Variants in GNL1 observed in about 807,000 individuals in gnomAD.
GNL1 encodes guanine nucleotide-binding protein-like 1.
In GNL1, 21 loss-of-function variants were observed where a neutral mutation model predicts 75.2. That is an observed-to-expected ratio of 0.28 (90% CI 0.20 to 0.40). The LOEUF is 0.40. Among genes scored for constraint, GNL1 ranks in the 10% least tolerant of loss-of-function variants. GNL1 has a pLI of 1.00. For missense variants in GNL1, 579 were observed against 775.0 expected, an observed-to-expected ratio of 0.75 and a Z score of 3.00; for synonymous variants, 287 against 303.4, an observed-to-expected ratio of 0.95 and a Z score of 0.56.
rs755438090 is a variant in GNL1 at position 30,541,746 on chromosome 6, T to C, written c.*4326A>G. Reference sequence around the variant, plus strand: ...ATTAGAATTTATAATTTTTACTGCATATTGCAGTTACTCGTATATTACTGA... The same window carrying C: ...ATTAGAATTTATAATTTTTACTGCACATTGCAGTTACTCGTATATTACTGA... On this transcript the variant is annotated 3_prime_UTR_variant, in exon 12 of 12. Transcript: ENST00000376621. 2.0e-5 allele frequency: 3 copies of C among 152,252 alleles called. No individual in the cohort carries two copies. The highest frequency in any genetic ancestry group is 4.4e-5 in the Non-Finnish European group (3 of 68,040). 9.4% of individuals were successfully genotyped at this position (152,252 alleles called of 1,614,324 possible). A position where few individuals can be genotyped will look rare whatever the true frequency, so the allele number is the denominator to read the frequency against.
At position 30,555,917 on chromosome 6, in the gene GNL1, T is replaced by C; in HGVS notation, c.74-197A>G. The C allele has an allele frequency of 1.3e-6, 1 of 791,870 alleles. No homozygotes were observed. Among genetic ancestry groups the C allele is most frequent in the Non-Finnish European group, 2.0e-6 (1 of 497,334 alleles). The allele number at this position is 791,870 out of a possible 1,614,324, so 49.1% of individuals were successfully genotyped here. ...AGGGAGCAGTGGGGACGGCGCCCCG[T>C]GCTAGCTGGAGGGATTCCCCTCCCC... On this transcript the variant is annotated intron_variant, in intron 1 of 11. Coordinates refer to ENST00000376621, the MANE Select transcript of GNL1 (RefSeq NM_005275.5). The surrounding 1 kb of genome is among the most constrained non-coding windows in gnomAD (Gnocchi z 4.3).
chr6:30,547,416 G>T lies in GNL1; in HGVS notation c.1214C>A (p.Pro405His), dbSNP rs147634437. 24 of 1,613,904 alleles carry T rather than the reference G, an allele frequency of 1.5e-5. No homozygotes were observed. The highest frequency in any genetic ancestry group is 2.7e-5 in the African/African-American group (2 of 74,914). ...TRYFQTYFLT[P>H]SVKLCDCPGL... ...TGGGCAGTCACAGAGCTTCACAGAG[G>T]GGGTAAGAAAGTAGGTCTGAAAGTA... is the stretch of plus-strand genomic sequence containing the variant. The change falls in exon 9 of 12, where the codon CCC (proline) becomes CAC (histidine). Residue 405 changes from proline (P) to histidine (H), a missense_variant. Coordinates refer to ENST00000376621, the MANE Select transcript of GNL1 (RefSeq NM_005275.5). This position sits in a 1 kb window ranked among gnomAD's most constrained non-coding sequence, Gnocchi z 5.5.
rs2127383469 is a variant in GNL1 at position 30,556,296 on chromosome 6, A to G, written c.-93T>C. The G allele has an allele frequency of 6.9e-7, 1 of 1,443,278 alleles. No individual in the cohort carries two copies. The highest frequency in any genetic ancestry group is 9.6e-7 in the Non-Finnish European group (1 of 1,045,836). 89.4% of individuals were successfully genotyped at this position (1,443,278 alleles called of 1,614,324 possible). A position where few individuals can be genotyped will look rare whatever the true frequency, so the allele number is the denominator to read the frequency against. ...GCAGCCCCCGCCGCAGGGGCCCGGG[A>G]CCCTAGAGGAGGCGGGGCTAGCAGG... is the stretch of plus-strand genomic sequence containing the variant. On this transcript the variant is annotated 5_prime_UTR_variant, in exon 1 of 12. Transcript: ENST00000376621. The surrounding 1 kb of genome is among the most constrained non-coding windows in gnomAD (Gnocchi z 5.7).
chr6:30,551,750 G>A (rs1272410577), intron 8 of GNL1, among the ~76,000 whole-genome samples: 1 of 152,132 alleles, frequency 6.6e-6, no homozygotes, highest in African/African-American at 2.4e-5. Flanking sequence ...AACAGTGCCT[G>A]TTACATAGTA....
chr6:30,549,973 A>G (rs1472637472), intron 8 of GNL1, among the ~76,000 whole-genome samples: 1 of 151,802 alleles, frequency 6.6e-6, no homozygotes, highest in Non-Finnish European at 1.5e-5. Context: ...ACAGGCACGC[A>G]CCACCACACA....
At position 30,556,295 on chromosome 6, in the gene GNL1, G is replaced by A. The variant is rs901274304; in HGVS notation, c.-92C>T. On this transcript the variant is annotated 5_prime_UTR_variant, in exon 1 of 12. Coordinates refer to ENST00000376621, the MANE Select transcript of GNL1 (RefSeq NM_005275.5). The surrounding 1 kb of genome is among the most constrained non-coding windows in gnomAD (Gnocchi z 5.7). ...GGCAGCCCCCGCCGCAGGGGCCCGGGACCCTAGAGGAGGCGGGGCTAGCAG... is the reference window on the plus strand; with the variant it reads ...GGCAGCCCCCGCCGCAGGGGCCCGGAACCCTAGAGGAGGCGGGGCTAGCAG... 4 of 1,445,938 alleles carry A rather than the reference G, an allele frequency of 2.8e-6. No homozygotes were observed. The African/African-American group carries it at 4.2e-5, about 15-fold the overall frequency. The allele number at this position is 1,445,938 out of a possible 1,614,324, so 89.6% of individuals were successfully genotyped here.
intron 8 of GNL1, among the ~76,000 whole-genome samples, chr6:30,550,477 C>T (rs1339472635): frequency 2.0e-5 from 3 of 152,106 alleles, no homozygotes; most frequent in Non-Finnish European, 4.4e-5. Flanking sequence ...TATCATGCTT[C>T]CGGCCCTGTC....
Position 30,542,694 on chromosome 6 carries a change from T to C in GNL1, c.*3378A>G, listed in dbSNP as rs1799237107. On this transcript the variant is annotated 3_prime_UTR_variant, in exon 12 of 12. Coordinates refer to ENST00000376621, the MANE Select transcript of GNL1 (RefSeq NM_005275.5). This position sits in a 1 kb window ranked among gnomAD's most constrained non-coding sequence, Gnocchi z 4.5. ...GCAACCCATAAAACGATTTCTCTTCTTTCCATCTTCCATTACCCTAATTCT... is the reference window on the plus strand; with the variant it reads ...GCAACCCATAAAACGATTTCTCTTCCTTCCATCTTCCATTACCCTAATTCT... 1 of 152,282 alleles carries C rather than the reference T, an allele frequency of 6.6e-6. No individual in the cohort carries two copies. The highest frequency in any genetic ancestry group is 1.5e-5 in the Non-Finnish European group (1 of 68,092). The allele number at this position is 152,282 out of a possible 1,614,324, so 9.4% of individuals were successfully genotyped here. A position where few individuals can be genotyped will look rare whatever the true frequency, so the allele number is the denominator to read the frequency against.
rs1230984723 is a variant in GNL1, at chr6:30,554,754, A to G, written c.528+10T>C. On this transcript the variant is annotated intron_variant, in intron 4 of 11. Transcript: ENST00000376621. ...TATGCCCCACTCCTGTCCCTAGAGT[A>G]CACTGTCACCTCCAGATTGTGCTCA... The G allele has an allele frequency of 6.2e-7, 1 of 1,612,558 alleles. No homozygotes were observed. Among genetic ancestry groups the G allele is most frequent in the Non-Finnish European group, 8.5e-7 (1 of 1,179,662 alleles).
Position 30,541,607 on chromosome 6 carries a change from C to A in GNL1, c.*4465G>T, listed in dbSNP as rs1050373341. ...ATGAAGGCGCAAAGCAGCCTCTCAGCCTGCAGTGATGCTACGACACCGGCA... is the reference window on the plus strand; with the variant it reads ...ATGAAGGCGCAAAGCAGCCTCTCAGACTGCAGTGATGCTACGACACCGGCA... On this transcript the variant is annotated 3_prime_UTR_variant, in exon 12 of 12. Coordinates refer to ENST00000376621, the MANE Select transcript of GNL1 (RefSeq NM_005275.5). The A allele has an allele frequency of 6.6e-6, 1 of 152,264 alleles. No individual in the cohort carries two copies. Among genetic ancestry groups the A allele is most frequent in the Non-Finnish European group, 1.5e-5 (1 of 68,038 alleles). The allele number at this position is 152,264 out of a possible 1,614,324, so 9.4% of individuals were successfully genotyped here.
rs565079296 is a variant in GNL1 at position 30,548,500 on chromosome 6, C to G, written c.1100-970G>C. Among the ~76,000 whole-genome samples, 6 of 152,198 alleles carry G rather than the reference C, an allele frequency of 3.9e-5. No individual in the cohort carries two copies. The highest frequency in any genetic ancestry group is 3.3e-4 in the Admixed American group (5 of 15,278). ...GACCCCTGACCTTAACACAGTAACA[C>G]TATGCAATACCCAACTCGTGTCCTC... is the stretch of plus-strand genomic sequence containing the variant. On this transcript the variant is annotated intron_variant, in intron 8 of 11. Coordinates refer to ENST00000376621, the MANE Select transcript of GNL1 (RefSeq NM_005275.5). The surrounding 1 kb of genome is among the most constrained non-coding windows in gnomAD (Gnocchi z 4.2).
rs1799840758 is a variant in GNL1, at chr6:30,552,393, C to T, written c.1099+74G>A. The stretch of plus-strand genomic sequence containing the variant: ...CCTGGGGCCTAATGAGACCTGATCG[C>T]CCTCTCTCTTCTCCGAATATGAAAA... On this transcript the variant is annotated intron_variant, in intron 8 of 11. Transcript: ENST00000376621. This position sits in a 1 kb window ranked among gnomAD's most constrained non-coding sequence, Gnocchi z 4.5. The T allele has an allele frequency of 7.7e-7, 1 of 1,298,212 alleles. No individual in the cohort carries two copies. Among genetic ancestry groups the T allele is most frequent in the Non-Finnish European group, 1.1e-6 (1 of 913,482 alleles). 80.4% of individuals were successfully genotyped at this position (1,298,212 alleles called of 1,614,324 possible). A position where few individuals can be genotyped will look rare whatever the true frequency, so the allele number is the denominator to read the frequency against.
chr6:30,541,458 G>T lies in GNL1; in HGVS notation c.*4614C>A, dbSNP rs1486441599. ...TGTAAATATTAAAACACTGAAACTT[G>T]CTACTGACACAAGAACGACAATGCA... On this transcript the variant is annotated 3_prime_UTR_variant, in exon 12 of 12. Coordinates refer to ENST00000376621, the MANE Select transcript of GNL1 (RefSeq NM_005275.5). 1 of 152,146 alleles carries T rather than the reference G, an allele frequency of 6.6e-6. No homozygotes were observed. The highest frequency in any genetic ancestry group is 1.5e-5 in the Non-Finnish European group (1 of 68,030). 9.4% of individuals were successfully genotyped at this position (152,146 alleles called of 1,614,324 possible). A position where few individuals can be genotyped will look rare whatever the true frequency, so the allele number is the denominator to read the frequency against.
Position 30,555,345 on chromosome 6 carries a change from GC to G in GNL1, c.240-155del, listed in dbSNP as rs1054353762. On this transcript the variant is annotated intron_variant, in intron 2 of 11. Transcript: ENST00000376621. This position sits in a 1 kb window ranked among gnomAD's most constrained non-coding sequence, Gnocchi z 4.3. ...GACTTCCCCCAAGTCCTTCTTTCAG[GC>G]AATACTCAGCCTTCTCCTTCTAAAA... 2.6e-5 allele frequency among the ~76,000 whole-genome samples: 4 copies of G among 152,124 alleles called. No individual in the cohort carries two copies. Among genetic ancestry groups the G allele is most frequent in the African/African-American group, 9.7e-5 (4 of 41,404 alleles).
At position 30,555,775 on chromosome 6, in the gene GNL1, C is replaced by T; in HGVS notation, c.74-55G>A. The T allele has an allele frequency of 6.4e-7, 1 of 1,558,658 alleles. No homozygotes were observed. The highest frequency in any genetic ancestry group is 2.3e-5 in the East Asian group (1 of 44,444). On this transcript the variant is annotated intron_variant, in intron 1 of 11. Transcript: ENST00000376621. This position sits in a 1 kb window ranked among gnomAD's most constrained non-coding sequence, Gnocchi z 4.3. ...TGGCCAGCTCTCAGGGGCCATAAGA[C>T]CCTCTCCCCCATCGGCCTGACTCCC...
In GNL1 at chr6:30,543,059, C is replaced by G. The variant is rs1430830893; in HGVS notation, c.*3013G>C. ...ATGCAATTTCCCTGTCTGGCTAACT[C>G]CTGTCCAGCATTTGGCCTCAGCATG... is the stretch of plus-strand genomic sequence containing the variant. On this transcript the variant is annotated 3_prime_UTR_variant, in exon 12 of 12. Transcript: ENST00000376621. 1 of 152,406 alleles carries G rather than the reference C, an allele frequency of 6.6e-6. No homozygotes were observed. Among genetic ancestry groups the G allele is most frequent in the Non-Finnish European group, 1.5e-5 (1 of 68,096 alleles). 9.4% of individuals were successfully genotyped at this position (152,406 alleles called of 1,614,324 possible). A position where few individuals can be genotyped will look rare whatever the true frequency, so the allele number is the denominator to read the frequency against.
chr6:30,546,644 C>A lies in GNL1; in HGVS notation c.1582+52G>T. ...CTCTCTCTGGCCACAAAGCCCACAC[C>A]CTTTTACCTACGCTATAGCAGGGGG... On this transcript the variant is annotated intron_variant, in intron 11 of 11. Transcript: ENST00000376621. This position sits in a 1 kb window ranked among gnomAD's most constrained non-coding sequence, Gnocchi z 5.1. 1 of 1,482,376 alleles carries A rather than the reference C, an allele frequency of 6.7e-7. No individual in the cohort carries two copies. The allele number at this position is 1,482,376 out of a possible 1,614,324, so 91.8% of individuals were successfully genotyped here.
Position 30,547,205 on chromosome 6 carries a change from G to A in GNL1, c.1348C>T (p.Arg450Ter), listed in dbSNP as rs1470347722. The A allele has an allele frequency of 3.1e-6, 5 of 1,613,200 alleles. No individual in the cohort carries two copies. Among genetic ancestry groups the A allele is most frequent in the Non-Finnish European group, 4.2e-6 (5 of 1,179,512 alleles). ...TGGAGCAGGGCCTGCACGGGAATTC[G>A]GGAGGCCAGGTAGCCCACAGCAGTG... The part of the protein sequence containing the change: ...PYTAVGYLAS[R>*]IPVQALLHLR... Residue 450 changes from arginine to a stop codon, truncating the protein, a stop_gained, in exon 10 of 12, where the codon CGA becomes TGA. Transcript: ENST00000376621. LOFTEE classifies it high-confidence loss of function. The surrounding 1 kb of genome is among the most constrained non-coding windows in gnomAD (Gnocchi z 5.5).
Position 30,546,656 on chromosome 6 carries a change from G to C in GNL1, c.1582+40C>G. ...ACAAAGCCCACACCCTTTTACCTAC[G>C]CTATAGCAGGGGGCTGGGGAAGAAT... On this transcript the variant is annotated intron_variant, in intron 11 of 11. Transcript: ENST00000376621. This position sits in a 1 kb window ranked among gnomAD's most constrained non-coding sequence, Gnocchi z 5.1. 6.5e-7 allele frequency: 1 copy of C among 1,542,016 alleles called. No homozygotes were observed. Among genetic ancestry groups the C allele is most frequent in the Non-Finnish European group, 8.9e-7 (1 of 1,127,514 alleles).
Sources: gnomAD v4.1 joint callset for allele counts (sites outside exome capture counted in the v4.1 genomes callset) on GRCh38, gnomAD v4.1.1 for gene constraint, Gnocchi (gnomAD v3.1) non-coding constraint, MANE v1.5 for transcripts, NCBI Gene and HGNC (gene_info 2026-07-23, HGNC 2026-07-21) for gene names.